HPS4: variants seen among roughly 807,000 people sequenced by gnomAD.
HPS4 encodes BLOC-3 complex member HPS4.
A neutral mutation model predicts 70.3 loss-of-function variants in HPS4; 44 were observed. That is an observed-to-expected ratio of 0.63 (90% confidence interval 0.49 to 0.80). The LOEUF (loss-of-function observed/expected upper bound fraction) is 0.80, where lower values mean the gene tolerates loss of function less well. Among genes scored for constraint, HPS4 ranks in the 30% least tolerant of loss-of-function variants. HPS4 has a pLI of 0.00. For missense variants in HPS4, 873 were observed against 884.4 expected (o/e 0.99, Z 0.16); for synonymous variants, 377 against 355.9 (o/e 1.06, Z -0.67).
At chr22:26,483,543 G>A in intron 1 of HPS4, 131 bp downstream of exon 1, 1 of 175,750 alleles carries the variant, frequency 5.7e-6, no homozygotes. Context: ...AGGGCTGTGC[G>A]GTGTCTGGCC....
chr22:26,483,591 T>C (rs1321138587), intron 1 of HPS4, 83 bp downstream of exon 1: 2 of 235,108 alleles, frequency 8.5e-6, no homozygotes, highest in East Asian at 1.8e-4. Context: ...GGCGAACGCC[T>C]AAGGATTAGG....
chr22:26,451,985 T>TAC lies in HPS4; in HGVS notation c.*1246_*1247dup. On this transcript the variant is annotated 3_prime_UTR_variant, in exon 14 of 14. Coordinates refer to ENST00000398145, the MANE Select transcript of HPS4 (RefSeq NM_022081.6). ...AAGGAAAAGAGGGATGCGCCCACGT[T>TAC]ACGCGCGCGCGCGCGCGCGCACACA... 1 of 53,538 alleles carries TAC rather than the reference T, an allele frequency of 1.9e-5. No individual in the cohort carries two copies. The highest frequency in any genetic ancestry group is 1.5e-4 in the South Asian group (1 of 6,832). The allele number at this position is 53,538 out of a possible 1,614,324, so 3.3% of individuals were successfully genotyped here. A position where few individuals can be genotyped will look rare whatever the true frequency, so the allele number is the denominator to read the frequency against.
At chr22:26,465,672 T>C in intron 9 of HPS4, 121 bp from the exon 10 acceptor site, 1 of 787,768 alleles carries the variant, frequency 1.3e-6, no homozygotes, top group East Asian at 2.6e-5. Context: ...GTGCTGTGAG[T>C]GCATTCCTCA....
chr22:26,448,989 C>A (rs62225810), downstream of HPS4, among the ~76,000 whole-genome samples: 5,927 of 152,236 alleles, frequency 0.039, 174 homozygotes, highest in Non-Finnish European at 0.059. Context: ...CCAGGAGCAG[C>A]GGTGGGTTCA....
At chr22:26,477,990 A>T (rs559739994) in intron 3 of HPS4, among the ~76,000 whole-genome samples, 1 of 152,334 alleles carries the variant, frequency 6.6e-6, no homozygotes, top group South Asian at 2.1e-4. Context: ...ATTAGGAAAA[A>T]GAAAAAGAAA....
intron 11 of HPS4, among the ~76,000 whole-genome samples, chr22:26,459,931 T>A (rs1303878402): frequency 6.6e-6 from 1 of 152,228 alleles, no homozygotes; most frequent in African/African-American, 2.4e-5. Flanking sequence ...AACAGCTATG[T>A]AAGAAAAATA....
chr22:26,468,713 C>G (rs1052111709), intron 7 of HPS4, 90 bp from the exon 8 acceptor site: 22 of 1,234,420 alleles, frequency 1.8e-5, no homozygotes, highest in Non-Finnish European at 2.6e-5. Context: ...CCCGTGTTGA[C>G]GAGGATCTTG....
chr22:26,476,769 A>C lies in HPS4; in HGVS notation c.276+224T>G. 2.6e-5 allele frequency: 14 copies of C among 532,082 alleles called. No individual in the cohort carries two copies. In the South Asian group the frequency reaches 2.7e-4, roughly 10 times the overall value. 33.0% of individuals were successfully genotyped at this position (532,082 alleles called of 1,614,324 possible). A position where few individuals can be genotyped will look rare whatever the true frequency, so the allele number is the denominator to read the frequency against. ...TGGCCTAAGTCTTTGAAAGGAAAGG[A>C]GAAACCAGCTGTGTGCAATGCAGAA... On this transcript the variant is annotated intron_variant, in intron 4 of 13. Coordinates refer to ENST00000398145, the MANE Select transcript of HPS4 (RefSeq NM_022081.6).
intron 3 of HPS4, 95 bp downstream of exon 3, chr22:26,479,170 G>C: frequency 8.5e-7 from 1 of 1,176,476 alleles, no homozygotes; most frequent in Non-Finnish European, 1.3e-6. Context: ...GTCTGGATTA[G>C]CCAAACTGTC....
At chr22:26,465,749 G>C (rs1254917820) in intron 9 of HPS4, 198 bp from the exon 10 acceptor site, 1 of 604,370 alleles carries the variant, frequency 1.7e-6, no homozygotes, top group Non-Finnish European at 2.9e-6. Flanking sequence ...GTCCCTGCAG[G>C]CAACATGACT....
In HPS4 at chr22:26,452,421, T is replaced by C. The variant is rs1250805928; in HGVS notation, c.*812A>G. The C allele has an allele frequency of 2.2e-6, 1 of 453,056 alleles. No individual in the cohort carries two copies. The highest frequency in any genetic ancestry group is 4.4e-6 in the Non-Finnish European group (1 of 225,914). The allele number at this position is 453,056 out of a possible 1,614,324, so 28.1% of individuals were successfully genotyped here. A position where few individuals can be genotyped will look rare whatever the true frequency, so the allele number is the denominator to read the frequency against. On this transcript the variant is annotated 3_prime_UTR_variant, in exon 14 of 14. Coordinates refer to ENST00000398145, the MANE Select transcript of HPS4 (RefSeq NM_022081.6). ...CCACCACTGAAAAGCACAGTGCTTT[T>C]ACCCCCAGACATCTTGTAAACTCCT...
intron 2 of HPS4, 122 bp from the exon 3 acceptor site, chr22:26,479,477 G>A: frequency 2.0e-6 from 3 of 1,493,780 alleles, no homozygotes; most frequent in Non-Finnish European, 2.7e-6. Flanking sequence ...CCTTCAGGTG[G>A]CCCCAGAGAA....
intron 4 of HPS4, chr22:26,476,676 G>T: frequency 2.9e-6 from 1 of 345,194 alleles, no homozygotes; most frequent in Non-Finnish European, 5.6e-6. Context: ...AGTGTAGAGA[G>T]CATGGAGAAG....
downstream of HPS4, among the ~76,000 whole-genome samples, chr22:26,450,547 T>A (rs1310292480): frequency 6.6e-6 from 1 of 152,232 alleles, no homozygotes; most frequent in Non-Finnish European, 1.5e-5. Context: ...ACATCCCCTC[T>A]AGGGGTCCTT....
chr22:26,468,633 C>G lies in HPS4; in HGVS notation c.597-10G>C. On this transcript the variant is annotated splice_polypyrimidine_tract_variant and intron_variant, in intron 7 of 13. Coordinates refer to ENST00000398145, the MANE Select transcript of HPS4 (RefSeq NM_022081.6). ...TTGGGTGCTGACAATCCTAGGAGGT[C>G]ACACACAGAACAAGAACACCATGAG... 1 of 1,613,172 alleles carries G rather than the reference C, an allele frequency of 6.2e-7. No homozygotes were observed. The highest frequency in any genetic ancestry group is 8.5e-7 in the Non-Finnish European group (1 of 1,179,270).
At chr22:26,449,901 T>A (rs1427721796), downstream of HPS4, among the ~76,000 whole-genome samples, 12 of 152,186 alleles carry the variant, frequency 7.9e-5, no homozygotes. Flanking sequence ...CGGGACCGAA[T>A]TCAGTACGTT....
chr22:26,465,764 G>T, intron 9 of HPS4: 1 of 596,802 alleles, frequency 1.7e-6, no homozygotes, highest in East Asian at 2.8e-5. Context: ...ATGACTCCCA[G>T]CTTTGGAGAA....
At chr22:26,459,450 C>T (rs2086822413) in intron 11 of HPS4, among the ~76,000 whole-genome samples, 1 of 152,194 alleles carries the variant, frequency 6.6e-6, no homozygotes, top group African/African-American at 2.4e-5. Context: ...AACAACACAG[C>T]ATGAACTGCT....
downstream of HPS4, chr22:26,443,385 A>C: frequency 1.8e-6 from 1 of 568,402 alleles, no homozygotes; most frequent in Non-Finnish European, 3.1e-6. Flanking sequence ...TGTAAATGGA[A>C]ACTTTTCGGC....
Sources: gnomAD v4.1 joint callset for allele counts (sites outside exome capture counted in the v4.1 genomes callset) on GRCh38, gnomAD v4.1.1 for gene constraint, MANE v1.5 for transcripts, NCBI Gene and HGNC (gene_info 2026-07-23, HGNC 2026-07-21) for gene names.